The following MAST4 variants were observed in gnomAD, a reference collection of about 807,000 sequenced individuals.
The protein encoded by MAST4 is microtubule-associated serine/threonine-protein kinase 4.
Under a neutral mutation model 162.7 loss-of-function variants are expected in MAST4, and 89 were observed. That is an observed-to-expected ratio of 0.55 (90% confidence interval 0.46 to 0.65). The LOEUF is 0.65. MAST4 is among the 30% of genes least tolerant of loss of function. The probability of loss-of-function intolerance (pLI) is 0.00; values close to 1 mark genes in which losing one functional copy is unlikely to be tolerated. For missense variants in MAST4, 3,153 were observed against 3,374.0 expected, an observed-to-expected ratio of 0.93 and a Z score of 1.62; for synonymous variants, 1,479 against 1,361.1, an observed-to-expected ratio of 1.09 and a Z score of -1.91.
At chr5:66,926,876 C>T (rs1311412754) in intron 4 of MAST4, among the ~76,000 whole-genome samples, 1 of 151,950 alleles carries the variant, frequency 6.6e-6, no homozygotes, top group Non-Finnish European at 1.5e-5. Flanking sequence ...AGAATAATTA[C>T]CAAATTTACA....
intron 4 of MAST4, among the ~76,000 whole-genome samples, chr5:66,948,343 C>G (rs1033674904): frequency 6.6e-6 from 1 of 152,080 alleles, no homozygotes; most frequent in South Asian, 2.1e-4. Flanking sequence ...GCATTACTAG[C>G]GTTCATATAT....
At chr5:67,050,392 A>G (rs904998912) in intron 4 of MAST4, among the ~76,000 whole-genome samples, 3 of 152,096 alleles carry the variant, frequency 2.0e-5, no homozygotes, top group Admixed American at 1.3e-4. Context: ...TTCAGCTGTG[A>G]CATTCTTACA....
At chr5:66,728,569 G>A (rs1307661625) in intron 1 of MAST4, among the ~76,000 whole-genome samples, 2 of 152,160 alleles carry the variant, frequency 1.3e-5, no homozygotes, top group East Asian at 1.9e-4. Context: ...TTTTAGACAT[G>A]AGATTTATTT....
chr5:67,128,588 A>G (rs560776362), intron 14 of MAST4, among the ~76,000 whole-genome samples: 1 of 152,378 alleles, frequency 6.6e-6, no homozygotes, highest in Admixed American at 6.5e-5. Context: ...AAAAACACAC[A>G]TTCATGAAAG....
chr5:66,868,271 A>G (rs73765389), intron 3 of MAST4, among the ~76,000 whole-genome samples: 3,702 of 152,152 alleles, frequency 0.024, 158 homozygotes, highest in African/African-American at 0.084. Flanking sequence ...ATTTTCAGGT[A>G]GGATCTCCCT....
chr5:66,990,171 A>G (rs1441932637), intron 4 of MAST4, among the ~76,000 whole-genome samples: 1 of 152,180 alleles, frequency 6.6e-6, no homozygotes, highest in East Asian at 1.9e-4. Flanking sequence ...GGCCTTAGAA[A>G]CTATTGATTT....
intron 3 of MAST4, among the ~76,000 whole-genome samples, chr5:66,873,787 G>A (rs1761104713): frequency 6.6e-6 from 1 of 152,164 alleles, no homozygotes; most frequent in African/African-American, 2.4e-5. Flanking sequence ...CATGTAGTCT[G>A]AGATTTTCGA....
chr5:67,116,342 A>C (rs1055181891), intron 12 of MAST4, among the ~76,000 whole-genome samples: 2 of 151,672 alleles, frequency 1.3e-5, no homozygotes, highest in African/African-American at 4.8e-5. Context: ...AGTATCTGGG[A>C]TTACAGACGT....
intron 5 of MAST4, among the ~76,000 whole-genome samples, chr5:67,067,564 C>G (rs1760400388): frequency 6.6e-6 from 1 of 152,190 alleles, no homozygotes; most frequent in South Asian, 2.1e-4. Flanking sequence ...ATTGCCATCT[C>G]CAAGGGGATT....
chr5:66,759,893 A>T (rs371650845), intron 2 of MAST4, 31 bp downstream of exon 2: 1 of 1,611,852 alleles, frequency 6.2e-7, no homozygotes, highest in South Asian at 1.1e-5. Context: ...TGAGAGAAGG[A>T]ATTGCATTTC....
rs563486978 is a variant in MAST4 at position 66,693,443 on chromosome 5, A to G, written c.364-66266A>G. On this transcript the variant is annotated intron_variant, in intron 1 of 28. Coordinates refer to ENST00000403625, the MANE Select transcript of MAST4 (RefSeq NM_001164664.2). ...TCTTTTGGGAAAACCATGATTTGGA[A>G]ATGAAATTGTTGAACTACCAAGTGT... 5.4e-4 allele frequency among the ~76,000 whole-genome samples: 82 copies of G among 152,312 alleles called. 2 individuals are homozygous for G. Among genetic ancestry groups the G allele is most frequent in the African/African-American group, 1.8e-3 (75 of 41,570 alleles).
intron 3 of MAST4, among the ~76,000 whole-genome samples, chr5:66,883,420 C>CTTTTTTTTTTT (rs1484230630): frequency 8.0e-6 from 1 of 125,514 alleles, no homozygotes; most frequent in African/African-American, 2.9e-5. Flanking sequence ...TGTTCTGTCA[C>CTTTTTTTTTTT]TGTTTTTTTT....
Position 67,090,114 on chromosome 5 carries a change from T to C in MAST4, c.764-48T>C, listed in dbSNP as rs368492919. The C allele has an allele frequency of 7.1e-6, 9 of 1,260,736 alleles. No individual in the cohort carries two copies. The East Asian group carries it at 1.7e-4, about 23-fold the overall frequency. The allele number at this position is 1,260,736 out of a possible 1,614,324, so 78.1% of individuals were successfully genotyped here. ...AAGGAGAGAATTATTGATGTGGAAA[T>C]GATACACAAAATCATGTAGTAAATT... On this transcript the variant is annotated intron_variant, in intron 5 of 28. Coordinates refer to ENST00000403625, the MANE Select transcript of MAST4 (RefSeq NM_001164664.2).
intron 3 of MAST4, among the ~76,000 whole-genome samples, chr5:66,816,376 G>C (rs1353888249): frequency 6.6e-6 from 1 of 151,978 alleles, no homozygotes; most frequent in Non-Finnish European, 1.5e-5. Flanking sequence ...CTTTCCCTCT[G>C]TTTCTAATCA....
intron 1 of MAST4, among the ~76,000 whole-genome samples, chr5:66,649,931 A>G (rs901097502): frequency 6.7e-6 from 1 of 150,214 alleles, no homozygotes; most frequent in South Asian, 2.1e-4. Context: ...TCAATTTCTC[A>G]GTGATTGCCC....
At position 67,082,306 on chromosome 5, in the gene MAST4, G is replaced by A. The variant is rs367688817; in HGVS notation, c.764-7856G>A. 3.5e-4 allele frequency among the ~76,000 whole-genome samples: 54 copies of A among 152,130 alleles called. 1 individual carries two copies. The South Asian group carries it at 3.7e-3, about 11-fold the overall frequency. On this transcript the variant is annotated intron_variant, in intron 5 of 28. Transcript: ENST00000403625. ...TGGGACTACAGGCACACGCCACCACGCCCAGCTAATTTTTGTTGGGGTTTC... is the reference window on the plus strand; with the variant it reads ...TGGGACTACAGGCACACGCCACCACACCCAGCTAATTTTTGTTGGGGTTTC...
chr5:67,044,533 T>G (rs1757139122), intron 4 of MAST4, among the ~76,000 whole-genome samples: 1 of 152,182 alleles, frequency 6.6e-6, no homozygotes, highest in East Asian at 1.9e-4. Flanking sequence ...TTTTTTAAAT[T>G]AGAGAGGGTC....
chr5:66,896,645 T>C (rs1310655240), intron 3 of MAST4, among the ~76,000 whole-genome samples: 4 of 152,270 alleles, frequency 2.6e-5, no homozygotes, highest in African/African-American at 9.6e-5. Flanking sequence ...ATTGTTTTGT[T>C]TGTCTATGAA....
intron 4 of MAST4, among the ~76,000 whole-genome samples, chr5:66,984,524 G>A (rs1041254068): frequency 6.6e-6 from 1 of 152,194 alleles, no homozygotes; most frequent in African/African-American, 2.4e-5. Flanking sequence ...ATAGGTATAC[G>A]TGGAAAACAC....
Sources: allele counts gnomAD v4.1 joint callset (sites outside exome capture counted in the v4.1 genomes callset), GRCh38; gene constraint gnomAD v4.1.1; transcripts MANE v1.5; gene names NCBI Gene and HGNC (gene_info 2026-07-23, HGNC 2026-07-21).